DPP6: variants seen among roughly 807,000 people sequenced by gnomAD.
The protein encoded by DPP6 is A-type potassium channel modulatory protein DPP6.
DPP6 carries 69 observed loss-of-function variants against 122.6 expected under a neutral mutation model. That is an observed-to-expected ratio of 0.56 (90% CI 0.46 to 0.69). The LOEUF is 0.69. DPP6 is among the 30% of genes least tolerant of loss of function. The pLI, the probability that DPP6 is intolerant of heterozygous loss-of-function variation, is 0.00. For synonymous variants in DPP6, 418 were observed against 433.1 expected, an observed-to-expected ratio of 0.97 and a Z score of 0.43; for missense variants, 928 against 1,116.9, an observed-to-expected ratio of 0.83 and a Z score of 2.41.
intron 1 of DPP6, among the ~76,000 whole-genome samples, chr7:154,141,770 T>C (rs1475198746): frequency 1.3e-5 from 2 of 152,218 alleles, no homozygotes; most frequent in African/African-American, 4.8e-5. Flanking sequence ...TTATACTTTA[T>C]GTCCACAGCA....
chr7:154,594,982 G>C (rs964078316), intron 5 of DPP6, among the ~76,000 whole-genome samples: 1 of 151,064 alleles, frequency 6.6e-6, no homozygotes, highest in Non-Finnish European at 1.5e-5. Flanking sequence ...GATGGCCTTT[G>C]TGGGTTTTTT....
intron 19 of DPP6, among the ~76,000 whole-genome samples, chr7:154,873,522 C>T (rs547624605): frequency 2.0e-5 from 3 of 152,270 alleles, no homozygotes; most frequent in Admixed American, 1.3e-4. Flanking sequence ...CCTGAGTAAA[C>T]GCTGGCACCT....
intron 1 of DPP6, among the ~76,000 whole-genome samples, chr7:154,002,724 G>A (rs1797742050): frequency 6.6e-6 from 1 of 152,204 alleles, no homozygotes; most frequent in African/African-American, 2.4e-5. Context: ...AGGCACATGA[G>A]GGAGGGGCCA....
chr7:154,580,859 A>G (rs1181253319), intron 5 of DPP6, among the ~76,000 whole-genome samples: 2 of 152,214 alleles, frequency 1.3e-5, no homozygotes, highest in Admixed American at 6.5e-5. Context: ...GTGCTCAGGT[A>G]TCAAAAGAAG....
chr7:154,006,687 G>T (rs1456485412), intron 1 of DPP6, among the ~76,000 whole-genome samples: 1 of 152,150 alleles, frequency 6.6e-6, no homozygotes, highest in African/African-American at 2.4e-5. Flanking sequence ...GAAAACCGAG[G>T]CTATGGTTGT....
chr7:154,867,959 C>G (rs1011598460), intron 17 of DPP6, 36 bp from the exon 18 acceptor site: 2 of 1,558,974 alleles, frequency 1.3e-6, no homozygotes, highest in African/African-American at 2.7e-5. Context: ...TGAGTGACCA[C>G]TGCATCTCAG....
chr7:153,776,572 GAGAACAGA>G, the DPP6 span, among the ~76,000 whole-genome samples: 1 of 152,114 alleles, frequency 6.6e-6, no homozygotes, highest in Non-Finnish European at 1.5e-5. Flanking sequence ...TTAGCAGCAT[GAGAACAGA>G]CTAACACAGA....
At chr7:154,207,103 G>A (rs1416499960) in intron 1 of DPP6, among the ~76,000 whole-genome samples, 1 of 150,674 alleles carries the variant, frequency 6.6e-6, no homozygotes, top group Non-Finnish European at 1.5e-5. Context: ...GCATTATCAA[G>A]ATGAAAATGT....
chr7:154,762,718 C>G (rs550237672), intron 8 of DPP6, among the ~76,000 whole-genome samples: 27 of 152,364 alleles, frequency 1.8e-4, no homozygotes, highest in African/African-American at 6.0e-4. Flanking sequence ...CAAGCAAGGG[C>G]TCCGCCATCT....
intron 1 of DPP6, among the ~76,000 whole-genome samples, chr7:154,336,771 T>C (rs911411312): frequency 6.6e-6 from 1 of 152,030 alleles, no homozygotes; most frequent in Non-Finnish European, 1.5e-5. Flanking sequence ...TGGTTACAGA[T>C]GCGGGAAGTG....
At position 154,688,438 on chromosome 7, in the gene DPP6, C is replaced by G. The variant is rs568865459; in HGVS notation, c.762+18997C>G. ...ATATCTTCTTTGGATATTTTTGGTA[C>G]ATGTTTCATTTTGTAAATGTAATTT... On this transcript the variant is annotated intron_variant, in intron 7 of 25. Coordinates refer to ENST00000377770, the MANE Select transcript of DPP6 (RefSeq NM_130797.4). Among the ~76,000 whole-genome samples the G allele has an allele frequency of 3.0e-4, 45 of 152,244 alleles. 3 individuals are homozygous for G. The South Asian group carries it at 7.7e-3, about 26-fold the overall frequency.
At position 154,660,593 on chromosome 7, in the gene DPP6, G is replaced by C. The variant is rs112424699; in HGVS notation, c.681-8767G>C. ...GCGTATCGGCCGTAGTGTTCATATA[G>C]TCATGGTGAATCACCATGGCATATT... On this transcript the variant is annotated intron_variant, in intron 6 of 25. Transcript: ENST00000377770. 1.2e-4 allele frequency among the ~76,000 whole-genome samples: 16 copies of C among 136,016 alleles called. 1 individual carries two copies. The East Asian group carries it at 3.0e-3, about 25-fold the overall frequency. 89.2% of individuals were successfully genotyped at this position (136,016 alleles called of 152,430 possible). A position where few individuals can be genotyped will look rare whatever the true frequency, so the allele number is the denominator to read the frequency against.
the DPP6 span, among the ~76,000 whole-genome samples, chr7:153,851,076 T>G: frequency 6.6e-6 from 1 of 152,220 alleles, no homozygotes; most frequent in Non-Finnish European, 1.5e-5. Context: ...CACCTATATT[T>G]TCCCGACAAT....
upstream of DPP6, among the ~76,000 whole-genome samples, chr7:153,883,127 C>A (rs1798799609): frequency 6.6e-6 from 1 of 151,936 alleles, no homozygotes; most frequent in Non-Finnish European, 1.5e-5. Context: ...AATATAGGAC[C>A]ACCTTCGCAT....
chr7:154,107,587 A>G (rs1806258447), intron 1 of DPP6, among the ~76,000 whole-genome samples: 1 of 152,248 alleles, frequency 6.6e-6, no homozygotes, highest in Non-Finnish European at 1.5e-5. Context: ...CACACCCACA[A>G]ACATAAGTCT....
intron 1 of DPP6, among the ~76,000 whole-genome samples, chr7:154,129,709 CTA>C (rs2150629822): frequency 6.6e-6 from 1 of 152,134 alleles, no homozygotes; most frequent in African/African-American, 2.4e-5. Context: ...ACCATCCTGG[CTA>C]ACACAGTGAA....
intron 1 of DPP6, among the ~76,000 whole-genome samples, chr7:154,294,079 A>G (rs1247248235): frequency 6.6e-6 from 1 of 152,180 alleles, no homozygotes; most frequent in African/African-American, 2.4e-5. Flanking sequence ...CGGGATTTGC[A>G]AACAAGAAAT....
intron 1 of DPP6, among the ~76,000 whole-genome samples, chr7:154,204,517 C>A (rs1378257389): frequency 6.6e-6 from 1 of 152,054 alleles, no homozygotes; most frequent in African/African-American, 2.4e-5. Flanking sequence ...TCAAAAGAGC[C>A]CATTATCATC....
At chr7:154,475,124 C>A in intron 3 of DPP6, 87 bp downstream of exon 3, 1 of 990,336 alleles carries the variant, frequency 1.0e-6, no homozygotes, top group Non-Finnish European at 1.6e-6. Flanking sequence ...ATTTGCCTCT[C>A]GGATTTCCCC....
Sources: gnomAD v4.1 joint callset for allele counts (sites outside exome capture counted in the v4.1 genomes callset) on GRCh38, gnomAD v4.1.1 for gene constraint, MANE v1.5 for transcripts, NCBI Gene and HGNC (gene_info 2026-07-23, HGNC 2026-07-21) for gene names.